RXRA: variants seen among roughly 807,000 people sequenced by gnomAD.
The protein encoded by RXRA is retinoid X receptor alpha, also known as retinoic acid receptor RXR-alpha.
In RXRA, 5 loss-of-function variants were observed where a neutral mutation model predicts 44.5. The ratio of observed to expected loss-of-function variants is 0.11; its 90% CI spans 0.06 to 0.24. The LOEUF is 0.24. Among genes scored for constraint, RXRA ranks in the 10% least tolerant of loss-of-function variants. The pLI is 1.00. For synonymous variants in RXRA, 291 were observed against 271.4 expected, an observed-to-expected ratio of 1.07 and a Z score of -0.71; for missense variants, 412 against 646.5, an observed-to-expected ratio of 0.64 and a Z score of 3.93.
In RXRA at chr9:134,426,840, C is replaced by T. The variant is rs1248243756; in HGVS notation, c.911-2268C>T. 11 of 985,260 alleles carry T rather than the reference C, an allele frequency of 1.1e-5. No individual in the cohort carries two copies. Among genetic ancestry groups the T allele is most frequent in the Admixed American group, 1.2e-4 (2 of 16,266 alleles). 61.0% of individuals were successfully genotyped at this position (985,260 alleles called of 1,614,324 possible). On this transcript the variant is annotated intron_variant, in intron 6 of 9. Coordinates refer to ENST00000481739, the MANE Select transcript of RXRA (RefSeq NM_002957.6). The surrounding 1 kb of genome is among the most constrained non-coding windows in gnomAD (Gnocchi z 4.6). ...TGTGCCCCAGCCCAGATCTTGTCCT[C>T]GGCCCCCTGGGTCCCTGCCCTTGGC...
Position 134,439,520 on chromosome 9 carries a change from C to G in RXRA, c.*2906C>G, listed in dbSNP as rs1831693361. ...CACACGGCCTCTGGGAAGGACAGCC[C>G]TGACCTTCGGTTTTCCGAGCACGGT... On this transcript the variant is annotated 3_prime_UTR_variant, in exon 10 of 10. Coordinates refer to ENST00000481739, the MANE Select transcript of RXRA (RefSeq NM_002957.6). 1 of 152,378 alleles carries G rather than the reference C, an allele frequency of 6.6e-6. No homozygotes were observed. The highest frequency in any genetic ancestry group is 2.1e-4 in the South Asian group (1 of 4,840). 9.4% of individuals were successfully genotyped at this position (152,378 alleles called of 1,614,324 possible). A position where few individuals can be genotyped will look rare whatever the true frequency, so the allele number is the denominator to read the frequency against.
rs557759910 is a variant in RXRA, at chr9:134,377,040, C to T, written c.29-24592C>T. Among the ~76,000 whole-genome samples the T allele has an allele frequency of 8.3e-4, 127 of 152,334 alleles. No individual in the cohort carries two copies. In the South Asian group the frequency reaches 0.024, roughly 29 times the overall value. ...CCGTCAGCCGGGTTTTCCTGGCAGC[C>T]CTGTGACTGCTGGCCTAGGGGCCGA... On this transcript the variant is annotated intron_variant, in intron 1 of 9. Transcript: ENST00000481739.
intron 5 of RXRA, among the ~76,000 whole-genome samples, chr9:134,418,522 C>A (rs1370614417): frequency 6.6e-6 from 1 of 152,180 alleles, no homozygotes; most frequent in East Asian, 1.9e-4. Flanking sequence ...TGGGTGCGCC[C>A]TGCAGGTCAC....
At chr9:134,408,721 G>T (rs1831097524) in intron 3 of RXRA, among the ~76,000 whole-genome samples, 3 of 152,256 alleles carry the variant, frequency 2.0e-5, no homozygotes, top group Admixed American at 2.0e-4. Flanking sequence ...CCTGGTCCCT[G>T]GTGGGCTGGG....
At chr9:134,355,033 C>T (rs1311605141) in intron 1 of RXRA, among the ~76,000 whole-genome samples, 3 of 152,240 alleles carry the variant, frequency 2.0e-5, no homozygotes, top group Non-Finnish European at 2.9e-5. Context: ...TGGTCAGGAC[C>T]ATGATCCCAG....
chr9:134,408,879 G>A (rs1805349), intron 3 of RXRA, 61 bp from the exon 4 acceptor site: 15,059 of 1,423,312 alleles, frequency 0.011, 109 homozygotes, highest in South Asian at 0.021. Context: ...CGTTGGATGG[G>A]GGGTGGGCTC....
At position 134,438,310 on chromosome 9, in the gene RXRA, AGGCAGCTTTCCAGCCTTGGTGG is replaced by A. The variant is rs1377173788; in HGVS notation, c.*1699_*1720del. ...TGGACCGGGAGGCAGTGGCTTGGAG[AGGCAGCTTTCCAGCCTTGGTGG>A]GGAAGAAAGTGTCCATTCTTTGCCT... On this transcript the variant is annotated 3_prime_UTR_variant, in exon 10 of 10. Coordinates refer to ENST00000481739, the MANE Select transcript of RXRA (RefSeq NM_002957.6). The A allele has an allele frequency of 1.3e-5, 2 of 152,146 alleles. No homozygotes were observed. Among genetic ancestry groups the A allele is most frequent in the Non-Finnish European group, 2.9e-5 (2 of 68,064 alleles). 9.4% of individuals were successfully genotyped at this position (152,146 alleles called of 1,614,324 possible). A position where few individuals can be genotyped will look rare whatever the true frequency, so the allele number is the denominator to read the frequency against.
intron 1 of RXRA, among the ~76,000 whole-genome samples, chr9:134,357,835 G>C (rs1830301123): frequency 6.6e-6 from 1 of 152,196 alleles, no homozygotes; most frequent in Non-Finnish European, 1.5e-5. Context: ...TTGTTTATTG[G>C]TTTTTCCCTG....
At chr9:134,336,165 C>A (rs782746103) in intron 1 of RXRA, among the ~76,000 whole-genome samples, 2 of 152,178 alleles carry the variant, frequency 1.3e-5, no homozygotes, top group Non-Finnish European at 2.9e-5. Context: ...GCGGGCCTGG[C>A]AGGCAGCACC....
At chr9:134,379,495 A>C in intron 1 of RXRA, 3 of 986,436 alleles carry the variant, frequency 3.0e-6, no homozygotes, top group Non-Finnish European at 3.6e-6. Flanking sequence ...GTCGCTGCCC[A>C]TCACTGACCG....
intron 6 of RXRA, chr9:134,422,154 C>T (rs2119188010): frequency 7.7e-7 from 1 of 1,304,864 alleles, no homozygotes; most frequent in South Asian, 1.2e-5. Context: ...ACACTTCCCC[C>T]TCCTGGGACA....
chr9:134,395,257 C>T (rs1830860728), intron 1 of RXRA, among the ~76,000 whole-genome samples: 2 of 152,240 alleles, frequency 1.3e-5, no homozygotes, highest in Admixed American at 1.3e-4. Context: ...GATTTCTGTC[C>T]CTCCCTTGGC....
rs1429702782 is a variant in RXRA at position 134,433,018 on chromosome 9, T to TG, written c.1135+1026dup. 6.6e-6 allele frequency among the ~76,000 whole-genome samples: 1 copy of TG among 151,888 alleles called. No individual in the cohort carries two copies. The highest frequency in any genetic ancestry group is 2.4e-5 in the African/African-American group (1 of 41,338). On this transcript the variant is annotated intron_variant, in intron 8 of 9. Transcript: ENST00000481739. The surrounding 1 kb of genome is among the most constrained non-coding windows in gnomAD (Gnocchi z 4.2). ...TGGAGGGAGAGGTTTGGGGCTGCTGTGGGGAGCTCACTTGGGCTATGGTGG... is the reference window on the plus strand; with the variant it reads ...TGGAGGGAGAGGTTTGGGGCTGCTGTGGGGGAGCTCACTTGGGCTATGGTGG...
chr9:134,375,621 C>CGGGCCA (rs1423594788), intron 1 of RXRA, among the ~76,000 whole-genome samples: 1 of 152,128 alleles, frequency 6.6e-6, no homozygotes, highest in Non-Finnish European at 1.5e-5. Flanking sequence ...GCTGGGAACA[C>CGGGCCA]GGGCCAGGGC....
rs906981727 is a variant in RXRA, at chr9:134,401,460, G to A, written c.29-172G>A. On this transcript the variant is annotated intron_variant, in intron 1 of 9. Coordinates refer to ENST00000481739, the MANE Select transcript of RXRA (RefSeq NM_002957.6). ...TGGAGGGGAGCTCTGGGCACACCTG[G>A]CCCGTAGTGAGTGTGAATTTGCGTC... The A allele has an allele frequency of 6.1e-6, 6 of 987,966 alleles. No homozygotes were observed. The Admixed American group carries it at 8.8e-5, about 14-fold the overall frequency. 61.2% of individuals were successfully genotyped at this position (987,966 alleles called of 1,614,324 possible).
chr9:134,350,486 C>T (rs1211799274), intron 1 of RXRA, among the ~76,000 whole-genome samples: 4 of 152,188 alleles, frequency 2.6e-5, no homozygotes, highest in Admixed American at 6.5e-5. Flanking sequence ...TGCCCGTGGG[C>T]GGTCAGCTCC....
intron 1 of RXRA, among the ~76,000 whole-genome samples, chr9:134,341,014 C>A (rs1320573474): frequency 6.6e-6 from 1 of 152,246 alleles, no homozygotes; most frequent in African/African-American, 2.4e-5. Flanking sequence ...GACAGCCAGG[C>A]TGTCTCCTGA....
chr9:134,342,284 G>A lies in RXRA; in HGVS notation c.28+15625G>A, dbSNP rs766359573. On this transcript the variant is annotated intron_variant, in intron 1 of 9. Transcript: ENST00000481739. This position sits in a 1 kb window ranked among gnomAD's most constrained non-coding sequence, Gnocchi z 4.4. ...CAAGCCACAGTGCACCAGGTGCCCC[G>A]GTACCAGCTTGTGCCAAGCCCATTG... Among the ~76,000 whole-genome samples the A allele has an allele frequency of 2.0e-5, 3 of 152,124 alleles. No individual in the cohort carries two copies. The highest frequency in any genetic ancestry group is 2.9e-5 in the Non-Finnish European group (2 of 68,002).
At position 134,408,151 on chromosome 9, in the gene RXRA, C is replaced by T. The variant is rs1422078062; in HGVS notation, c.282C>T (p.Leu94=). 1.6e-5 allele frequency: 25 copies of T among 1,556,634 alleles called. No individual in the cohort carries two copies. The highest frequency in any genetic ancestry group is 2.0e-5 in the Non-Finnish European group (23 of 1,153,114). The change falls in exon 3 of 10, where the codon CTC becomes CTT. Residue 94 remains leucine, a splice_region_variant and synonymous_variant. Coordinates refer to ENST00000481739, the MANE Select transcript of RXRA (RefSeq NM_002957.6). ...ACTGCTGTGGTTGCCCCCCCCAGCT[C>T]AGCTCACCTATGAACCCCGTCAGCA... ...TLGFSTGSPQ[L]SSPMNPVSSS...
Sources: gnomAD v4.1 joint callset for allele counts (sites outside exome capture counted in the v4.1 genomes callset) on GRCh38, gnomAD v4.1.1 for gene constraint, Gnocchi (gnomAD v3.1) non-coding constraint, MANE v1.5 for transcripts, NCBI Gene and HGNC (gene_info 2026-07-23, HGNC 2026-07-21) for gene names.